The following MAP2 variants were observed in gnomAD, a reference collection of about 807,000 sequenced individuals.
MAP2 encodes the protein microtubule-associated protein 2.
Under a neutral mutation model 137.6 loss-of-function variants are expected in MAP2, and 14 were observed. That is an observed-to-expected ratio of 0.10 (90% confidence interval 0.07 to 0.16). MAP2 has a LOEUF of 0.16. MAP2 is among the 10% of genes least tolerant of loss of function. The probability of loss-of-function intolerance (pLI) is 1.00; values close to 1 mark genes in which losing one functional copy is unlikely to be tolerated. For missense variants in MAP2, 2,088 were observed against 2,191.5 expected, an observed-to-expected ratio of 0.95 and a Z score of 0.94; for synonymous variants, 786 against 782.3, an observed-to-expected ratio of 1.00 and a Z score of -0.08.
chr2:209,662,175 A>G (rs888559426), intron 5 of MAP2, among the ~76,000 whole-genome samples: 1 of 152,244 alleles, frequency 6.6e-6, no homozygotes, highest in African/African-American at 2.4e-5. Context: ...CAAGTTGTGA[A>G]GAGCAAGGCT....
intron 5 of MAP2, among the ~76,000 whole-genome samples, chr2:209,654,919 G>A (rs1211820659): frequency 6.6e-6 from 1 of 152,160 alleles, no homozygotes; most frequent in Non-Finnish European, 1.5e-5. Flanking sequence ...CAATTGAAAA[G>A]TCTTACTTTG....
intron 4 of MAP2, among the ~76,000 whole-genome samples, chr2:209,642,277 G>T (rs907866124): frequency 9.9e-5 from 15 of 151,698 alleles, no homozygotes; most frequent in African/African-American, 1.5e-4. Flanking sequence ...GGTGGTGGAT[G>T]GGGGGGATTA....
At chr2:209,551,449 C>T (rs1277486488) in intron 2 of MAP2, among the ~76,000 whole-genome samples, 1 of 152,112 alleles carries the variant, frequency 6.6e-6, no homozygotes, top group Non-Finnish European at 1.5e-5. Context: ...TGATAAGATA[C>T]ATTTCATAAT....
chr2:209,450,764 G>C (rs1376186055), intron 1 of MAP2, among the ~76,000 whole-genome samples: 2 of 151,990 alleles, frequency 1.3e-5, no homozygotes, highest in Non-Finnish European at 2.9e-5. Context: ...ACTTCTCTAT[G>C]ACTTTTTTGA....
In MAP2 at chr2:209,696,699, T is replaced by C; in HGVS notation, c.4338T>C (p.Ala1446=). The change falls in exon 9 of 16, where the codon GCT becomes GCC. Residue 1446 remains alanine, a synonymous_variant. Transcript: ENST00000682079. ...GRISTPERKV[A]KKEPSTVSRD... is the part of the protein sequence containing the mutation. ...TTTCCACTCCTGAAAGAAAAGTAGC[T>C]AAAAAGGAACCTAGCACAGTCTCCA... 2.5e-6 allele frequency: 4 copies of C among 1,613,988 alleles called. No individual in the cohort carries two copies. Among genetic ancestry groups the C allele is most frequent in the South Asian group, 1.1e-5 (1 of 91,078 alleles).
chr2:209,699,790 C>G (rs1440801748), intron 10 of MAP2, among the ~76,000 whole-genome samples: 1 of 152,166 alleles, frequency 6.6e-6, no homozygotes, highest in Non-Finnish European at 1.5e-5. Flanking sequence ...CTGATCATGA[C>G]AGTTTGAAAT....
intron 1 of MAP2, among the ~76,000 whole-genome samples, chr2:209,505,896 T>C (rs541067368): frequency 1.3e-5 from 2 of 151,958 alleles, no homozygotes; most frequent in South Asian, 4.2e-4. Flanking sequence ...CGATTGAGCC[T>C]GGGAGGTTGA....
chr2:209,431,972 G>A (rs547370336), intron 1 of MAP2, among the ~76,000 whole-genome samples: 19 of 152,222 alleles, frequency 1.2e-4, no homozygotes, highest in African/African-American at 3.9e-4. Flanking sequence ...GGATCTCTCC[G>A]GATAGTAGTT....
Position 209,457,199 on chromosome 2 carries a change from G to A in MAP2, c.-222+32923G>A, listed in dbSNP as rs185811468. On this transcript the variant is annotated intron_variant, in intron 1 of 15. Transcript: ENST00000682079. ...TTTACAGATGAAGATATTAAGAATC[G>A]TGAAGGGCGTGAATGGCTTGGCTAT... Among the ~76,000 whole-genome samples the A allele has an allele frequency of 5.8e-3, 879 of 152,202 alleles. 6 individuals carry two copies. Among genetic ancestry groups the A allele is most frequent in the Non-Finnish European group, 0.01 (707 of 68,006 alleles).
Position 209,693,661 on chromosome 2 carries a change from C to T in MAP2, c.1491C>T (p.Asp497=), listed in dbSNP as rs2059504237. The T allele has an allele frequency of 1.2e-6, 2 of 1,613,858 alleles. No individual in the cohort carries two copies. Among genetic ancestry groups the T allele is most frequent in the Non-Finnish European group, 1.7e-6 (2 of 1,179,980 alleles). ...QEPTTDMLKQ[D]SFPVSLEQAV... is the part of the protein sequence containing the mutation. ...CTACCACAGATATGTTGAAACAGGACTCGTTCCCTGTAAGTTTGGAGCAAG... is the reference window on the plus strand; with the variant it reads ...CTACCACAGATATGTTGAAACAGGATTCGTTCCCTGTAAGTTTGGAGCAAG... The change falls in exon 8 of 16, where the codon GAC becomes GAT. Residue 497 remains aspartate, a synonymous_variant. Transcript: ENST00000682079.
intron 2 of MAP2, among the ~76,000 whole-genome samples, chr2:209,512,556 TACACACACACACACACACACACAC>T (rs150144839): frequency 4.1e-5 from 6 of 144,850 alleles, no homozygotes; most frequent in South Asian, 2.2e-4. Context: ...CCAGAAGTTA[TACACACACACACACACACACACAC>T]ACACACACAC....
At chr2:209,497,730 T>G (rs1443077197) in intron 1 of MAP2, among the ~76,000 whole-genome samples, 1 of 151,546 alleles carries the variant, frequency 6.6e-6, no homozygotes, top group Non-Finnish European at 1.5e-5. Flanking sequence ...AAAGAGAGAG[T>G]AGAATGGGAG....
intron 4 of MAP2, among the ~76,000 whole-genome samples, chr2:209,651,742 G>A (rs538632519): frequency 1.8e-4 from 28 of 152,278 alleles, no homozygotes; most frequent in African/African-American, 6.7e-4. Flanking sequence ...AGTTTTGGGA[G>A]AGATTTGGTG....
intron 1 of MAP2, among the ~76,000 whole-genome samples, chr2:209,451,670 A>G (rs1394220084): frequency 1.3e-5 from 2 of 152,200 alleles, no homozygotes; most frequent in African/African-American, 2.4e-5. Flanking sequence ...CCTGACACAT[A>G]CACATACTAA....
chr2:209,729,811 G>T (rs371688882), intron 14 of MAP2, 39 bp from the exon 15 acceptor site: 1 of 1,372,072 alleles, frequency 7.3e-7, no homozygotes, highest in Non-Finnish European at 1.0e-6. Flanking sequence ...TACCACGAAT[G>T]CAAGATATAG....
rs182650431 is a variant in MAP2, at chr2:209,514,451, C to G, written c.-172+6810C>G. On this transcript the variant is annotated intron_variant, in intron 2 of 15. Transcript: ENST00000682079. Reference sequence around the variant, plus strand: ...CACTGGCTATGTTTTCATACAAACCCCATGCTTATGAAATCAGTTCTGTGG... The same window carrying G: ...CACTGGCTATGTTTTCATACAAACCGCATGCTTATGAAATCAGTTCTGTGG... Among the ~76,000 whole-genome samples the G allele has an allele frequency of 7.9e-5, 12 of 152,042 alleles. No individual in the cohort carries two copies. The East Asian group carries it at 2.3e-3, about 29-fold the overall frequency.
intron 3 of MAP2, among the ~76,000 whole-genome samples, chr2:209,608,483 C>T (rs756498002): frequency 1.5e-4 from 23 of 152,060 alleles, no homozygotes; most frequent in Non-Finnish European, 2.6e-4. Flanking sequence ...GATGGGATCT[C>T]GCTATGTTGT....
intron 2 of MAP2, among the ~76,000 whole-genome samples, chr2:209,507,971 C>T (rs111940453): frequency 2.6e-5 from 4 of 152,120 alleles, no homozygotes; most frequent in African/African-American, 9.6e-5. Context: ...GAAGGCTGAC[C>T]TTTCAAAGAA....
chr2:209,492,205 T>C (rs1360235919), intron 1 of MAP2, among the ~76,000 whole-genome samples: 2 of 152,176 alleles, frequency 1.3e-5, no homozygotes, highest in African/African-American at 4.8e-5. Flanking sequence ...ATTATCTCAA[T>C]GGATGCAGAA....
Sources: gnomAD v4.1 joint callset for allele counts (sites outside exome capture counted in the v4.1 genomes callset) on GRCh38, gnomAD v4.1.1 for gene constraint, MANE v1.5 for transcripts, NCBI Gene and HGNC (gene_info 2026-07-23, HGNC 2026-07-21) for gene names.